Variants in ARHGAP35 observed in about 807,000 individuals in gnomAD.
ARHGAP35 encodes the protein rho GTPase-activating protein 35.
Under a neutral mutation model 111.1 loss-of-function variants are expected in ARHGAP35, and 15 were observed. The ratio of observed to expected loss-of-function variants is 0.13; its 90% CI spans 0.09 to 0.21. The LOEUF (loss-of-function observed/expected upper bound fraction) is 0.21, where lower values mean the gene tolerates loss of function less well. Among genes scored for constraint, ARHGAP35 ranks in the 10% least tolerant of loss-of-function variants. The probability of loss-of-function intolerance (pLI) is 1.00; values close to 1 mark genes in which losing one functional copy is unlikely to be tolerated. For missense variants in ARHGAP35, 1,262 were observed against 1,873.0 expected (o/e 0.67, Z 6.02); for synonymous variants, 643 against 710.3 (o/e 0.91, Z 1.51).
At chr19:46,873,673 G>A (rs1292237348) in intron 1 of ARHGAP35, among the ~76,000 whole-genome samples, 1 of 149,724 alleles carries the variant, frequency 6.7e-6, no homozygotes, top group African/African-American at 2.4e-5. Context: ...AGTCAGGAAT[G>A]GCTATAAAAT....
intron 1 of ARHGAP35, among the ~76,000 whole-genome samples, chr19:46,876,377 T>C (rs1044398280): frequency 1.7e-4 from 26 of 149,844 alleles, no homozygotes; most frequent in Admixed American, 1.6e-3. Context: ...TTTTTTTAAA[T>C]TTTTTTTTTC....
rs2056765642 is a variant in ARHGAP35, at chr19:47,004,428, C to CTAA, written c.*3740_*3741insTAA. The CTAA allele has an allele frequency of 2.0e-5, 3 of 152,322 alleles. No individual in the cohort carries two copies. The highest frequency in any genetic ancestry group is 4.4e-5 in the Non-Finnish European group (3 of 68,044). 9.4% of individuals were successfully genotyped at this position (152,322 alleles called of 1,614,324 possible). A position where few individuals can be genotyped will look rare whatever the true frequency, so the allele number is the denominator to read the frequency against. ...TCCCCCAGCCCTCCCGTGGCGGAGCCGGCAGCGATGCTACAGGCCTAAGTT... is the reference window on the plus strand; with the variant it reads ...TCCCCCAGCCCTCCCGTGGCGGAGCCTAAGGCAGCGATGCTACAGGCCTAAGTT... On this transcript the variant is annotated 3_prime_UTR_variant, in exon 7 of 7. Coordinates refer to ENST00000672722, the MANE Select transcript of ARHGAP35 (RefSeq NM_004491.5).
chr19:46,957,058 T>C (rs979421749), intron 3 of ARHGAP35, among the ~76,000 whole-genome samples: 5 of 145,072 alleles, frequency 3.4e-5, no homozygotes, highest in African/African-American at 5.2e-5. Flanking sequence ...GCCTCCCGGG[T>C]TCACACCATT....
intron 1 of ARHGAP35, among the ~76,000 whole-genome samples, chr19:46,875,153 A>C (rs1358483466): frequency 6.6e-6 from 1 of 151,946 alleles, no homozygotes; most frequent in Non-Finnish European, 1.5e-5. Flanking sequence ...AGTTTACCCC[A>C]TTTGGTTTTA....
At position 46,941,876 on chromosome 19, in the gene ARHGAP35, T is replaced by TAAAA. The variant is rs71179279; in HGVS notation, c.3826+4489_3826+4492dup. Among the ~76,000 whole-genome samples, 771 of 94,484 alleles carry TAAAA rather than the reference T, an allele frequency of 8.2e-3. 25 individuals are homozygous for TAAAA. Among genetic ancestry groups the TAAAA allele is most frequent in the African/African-American group, 0.028 (642 of 23,310 alleles). The allele number at this position is 94,484 out of a possible 152,430, so 62.0% of individuals were successfully genotyped here. On this transcript the variant is annotated intron_variant, in intron 3 of 6. Coordinates refer to ENST00000672722, the MANE Select transcript of ARHGAP35 (RefSeq NM_004491.5). ...GACCCAGCCAGAGACCCTGTCTCTT[T>TAAAA]AAAAAAAAAAAAAAAAAAAAAAAAG...
chr19:46,973,861 G>A (rs1207290221), intron 3 of ARHGAP35, among the ~76,000 whole-genome samples: 1 of 151,894 alleles, frequency 6.6e-6, no homozygotes, highest in Admixed American at 6.6e-5. Context: ...AATTAGCCGA[G>A]CATGATAGCG....
intron 5 of ARHGAP35, among the ~76,000 whole-genome samples, chr19:46,998,267 C>T (rs528075898): frequency 8.5e-5 from 13 of 152,300 alleles, no homozygotes; most frequent in South Asian, 2.1e-4. Flanking sequence ...CAATCATCTG[C>T]GCTTTAACAG....
chr19:46,895,130 T>C (rs557647093), intron 1 of ARHGAP35, among the ~76,000 whole-genome samples: 10 of 151,866 alleles, frequency 6.6e-5, no homozygotes, highest in African/African-American at 2.4e-4. Context: ...TGCAATTGGA[T>C]GAGGGGGAAA....
At chr19:46,958,877 T>C (rs975156100) in intron 3 of ARHGAP35, among the ~76,000 whole-genome samples, 12 of 152,174 alleles carry the variant, frequency 7.9e-5, no homozygotes, top group Admixed American at 7.9e-4. Context: ...CATTTGGCCG[T>C]TTTTACTCAT....
rs769887497 is a variant in ARHGAP35, at chr19:47,000,575, A to C, written c.4387A>C (p.Thr1463Pro). 15 of 1,606,146 alleles carry C rather than the reference A, an allele frequency of 9.3e-6. No individual in the cohort carries two copies. The highest frequency in any genetic ancestry group is 3.3e-4 in the Middle Eastern group (2 of 6,076). ...CGTGGCTTCCACCGTCCCCTTCCTC[A>C]CTTCCACGCCTGTCACAAGTCAGCC... ...SAVASTVPFL[T>P]STPVTSQPSP... Residue 1463 changes from threonine (T) to proline (P), a missense_variant, in exon 7 of 7, where the codon ACT (threonine) becomes CCT (proline). Coordinates refer to ENST00000672722, the MANE Select transcript of ARHGAP35 (RefSeq NM_004491.5). This position sits in a 1 kb window ranked among gnomAD's most constrained non-coding sequence, Gnocchi z 6.9.
In ARHGAP35 at chr19:46,862,206, T is replaced by TC; in HGVS notation, c.-189+1002dup. Among the ~76,000 whole-genome samples the TC allele has an allele frequency of 2.0e-5, 3 of 152,116 alleles. No individual in the cohort carries two copies. The South Asian group carries it at 6.2e-4, about 32-fold the overall frequency. ...TCTGCCTTCCCGGGAAGCAGCCTCC[T>TC]CCCCCTTCTCTGACTCTGCAGGTCT... On this transcript the variant is annotated intron_variant, in intron 1 of 6. Coordinates refer to ENST00000672722, the MANE Select transcript of ARHGAP35 (RefSeq NM_004491.5).
At position 46,942,569 on chromosome 19, in the gene ARHGAP35, G is replaced by A. The variant is rs144173963; in HGVS notation, c.3826+5161G>A. On this transcript the variant is annotated intron_variant, in intron 3 of 6. Transcript: ENST00000672722. The stretch of plus-strand genomic sequence containing the variant: ...GGAGAATTACTTGAACCCACGAGGC[G>A]GAGGTTGCAGTGAGCCGAGATCGCA... Among the ~76,000 whole-genome samples, 905 of 152,108 alleles carry A rather than the reference G, an allele frequency of 5.9e-3. 10 individuals carry two copies. Among genetic ancestry groups the A allele is most frequent in the African/African-American group, 0.02 (820 of 41,490 alleles).
intron 3 of ARHGAP35, among the ~76,000 whole-genome samples, chr19:46,952,925 AC>A (rs2056420688): frequency 6.6e-6 from 1 of 152,178 alleles, no homozygotes; most frequent in Admixed American, 6.5e-5. Flanking sequence ...TGATCTGCCC[AC>A]CTTGAGTGAT....
At chr19:46,990,730 T>C (rs1431498999) in intron 5 of ARHGAP35, among the ~76,000 whole-genome samples, 1 of 152,218 alleles carries the variant, frequency 6.6e-6, no homozygotes, top group Non-Finnish European at 1.5e-5. Context: ...AGGGAGGTGA[T>C]GGATCAGCAT....
At chr19:46,867,033 G>A (rs2055861592) in intron 1 of ARHGAP35, among the ~76,000 whole-genome samples, 1 of 152,090 alleles carries the variant, frequency 6.6e-6, no homozygotes, top group African/African-American at 2.4e-5. Flanking sequence ...TGCTTTATCA[G>A]GCTTCATCTA....
At chr19:46,974,523 A>G (rs1333781737) in intron 3 of ARHGAP35, among the ~76,000 whole-genome samples, 2 of 152,162 alleles carry the variant, frequency 1.3e-5, no homozygotes, top group East Asian at 1.9e-4. Context: ...GATGCAAGGG[A>G]CAGGATGTAT....
At chr19:46,969,248 G>C (rs2056531693) in intron 3 of ARHGAP35, among the ~76,000 whole-genome samples, 1 of 152,108 alleles carries the variant, frequency 6.6e-6, no homozygotes, top group Non-Finnish European at 1.5e-5. Context: ...CCATCGAATT[G>C]GACACTCTCA....
Position 46,972,786 on chromosome 19 carries a change from T to C in ARHGAP35, c.3827-15203T>C, listed in dbSNP as rs146399303. 9.1e-4 allele frequency among the ~76,000 whole-genome samples: 139 copies of C among 152,310 alleles called. 1 individual carries two copies. Among genetic ancestry groups the C allele is most frequent in the African/African-American group, 3.0e-3 (126 of 41,568 alleles). ...CATATTAGATAGCTGTGATTTCCAATTTTCTCTTAAGAAAAATGGGATTCA... is the reference window on the plus strand; with the variant it reads ...CATATTAGATAGCTGTGATTTCCAACTTTCTCTTAAGAAAAATGGGATTCA... On this transcript the variant is annotated intron_variant, in intron 3 of 6. Coordinates refer to ENST00000672722, the MANE Select transcript of ARHGAP35 (RefSeq NM_004491.5).
intron 1 of ARHGAP35, among the ~76,000 whole-genome samples, chr19:46,910,875 A>G (rs1352370983): frequency 6.6e-6 from 1 of 151,968 alleles, no homozygotes; most frequent in African/African-American, 2.4e-5. Context: ...ACAGGTGTGA[A>G]CCACTATGCC....
Sources: gnomAD v4.1 joint callset for allele counts (sites outside exome capture counted in the v4.1 genomes callset) on GRCh38, gnomAD v4.1.1 for gene constraint, Gnocchi (gnomAD v3.1) non-coding constraint, MANE v1.5 for transcripts, NCBI Gene and HGNC (gene_info 2026-07-23, HGNC 2026-07-21) for gene names.